Variants in DACH2 observed in about 807,000 individuals in gnomAD.
DACH2 encodes dachshund family transcription factor 2.
A neutral mutation model predicts 35.8 loss-of-function variants in DACH2; 17 were observed. The observed-to-expected ratio is 0.48, with a 90% CI of 0.33 to 0.71. The LOEUF (loss-of-function observed/expected upper bound fraction) is 0.71, where lower values mean the gene tolerates loss of function less well. DACH2 is among the 30% of genes least tolerant of loss of function. The pLI is 0.02. For synonymous variants in DACH2, 195 were observed against 177.3 expected (o/e 1.10, Z -0.79); for missense variants, 469 against 472.7 (o/e 0.99, Z 0.07).
At chrX:86,415,828 T>C (rs746288564) in intron 2 of DACH2, among the ~76,000 whole-genome samples, 2 of 112,158 alleles carry the variant, frequency 1.8e-5, no homozygotes, top group African/African-American at 6.5e-5. Context: ...TAATTGTTAG[T>C]TAGATGTCTG....
intron 1 of DACH2, among the ~76,000 whole-genome samples, chrX:86,329,063 C>T (rs1056466976): frequency 6.3e-5 from 7 of 110,835 alleles, no homozygotes; most frequent in Admixed American, 2.9e-4. Flanking sequence ...TGTGTATGTG[C>T]GGATGGGGAG....
intron 2 of DACH2, among the ~76,000 whole-genome samples, chrX:86,407,918 G>T (rs2148139981): frequency 9.0e-6 from 1 of 111,658 alleles, no homozygotes; most frequent in South Asian, 3.7e-4. Flanking sequence ...TGTGAAGAGG[G>T]CAATAATAGA....
intron 6 of DACH2, among the ~76,000 whole-genome samples, chrX:86,736,884 C>T: frequency 9.0e-6 from 1 of 111,229 alleles, no homozygotes; most frequent in South Asian, 3.7e-4. Context: ...TTGAATTACA[C>T]ATATTTAAAG....
In DACH2 at chrX:86,549,220, T is replaced by A. The variant is rs776211388; in HGVS notation, c.640+34829T>A. Among the ~76,000 whole-genome samples the A allele has an allele frequency of 2.7e-5, 3 of 112,148 alleles. No homozygotes were observed. The South Asian group carries it at 1.1e-3, about 41-fold the overall frequency. ...CTCATGTTCTACATATTTTGTTTGA[T>A]AAGACATTTGTGTATTTTGAGATAC... On this transcript the variant is annotated intron_variant, in intron 3 of 11. Transcript: ENST00000373125.
At chrX:86,705,108 AGC>A (rs1267462775) in intron 5 of DACH2, among the ~76,000 whole-genome samples, 7 of 100,491 alleles carry the variant, frequency 7.0e-5, no homozygotes, top group African/African-American at 3.1e-4. Flanking sequence ...AATACTACTC[AGC>A]CATATAAAGG....
chrX:86,671,938 T>A (rs2040769904), intron 4 of DACH2, among the ~76,000 whole-genome samples: 1 of 111,491 alleles, frequency 9.0e-6, no homozygotes, highest in Non-Finnish European at 1.9e-5. Context: ...GATTGTAATA[T>A]GAACAGAGAT....
intron 7 of DACH2, among the ~76,000 whole-genome samples, chrX:86,765,180 G>C (rs995265221): frequency 9.0e-6 from 1 of 111,217 alleles, no homozygotes; most frequent in Non-Finnish European, 1.9e-5. Flanking sequence ...TAGGTTGTCT[G>C]TTTACTCCAT....
At chrX:86,790,266 T>C (rs1258572354) in intron 7 of DACH2, among the ~76,000 whole-genome samples, 1 of 112,037 alleles carries the variant, frequency 8.9e-6, no homozygotes, top group African/African-American at 3.2e-5. Context: ...TAAGGGTCAA[T>C]ATAGTCGTAT....
At chrX:86,573,250 G>T (rs186935730) in intron 3 of DACH2, among the ~76,000 whole-genome samples, 7 of 110,882 alleles carry the variant, frequency 6.3e-5, no homozygotes, top group African/African-American at 1.6e-4. Flanking sequence ...GAGAGGCAAA[G>T]AACTTTTCAG....
chrX:86,155,833 A>G (rs1007094826), intron 1 of DACH2, among the ~76,000 whole-genome samples: 3 of 111,129 alleles, frequency 2.7e-5, no homozygotes, highest in African/African-American at 9.8e-5. Context: ...CCGTTAAATG[A>G]TACTATTTAG....
intron 1 of DACH2, among the ~76,000 whole-genome samples, chrX:86,216,916 G>C (rs1001903218): frequency 2.1e-4 from 23 of 110,155 alleles, no homozygotes; most frequent in African/African-American, 7.6e-4. Context: ...CCAACGTAGC[G>C]AAACCTGACT....
intron 1 of DACH2, among the ~76,000 whole-genome samples, chrX:86,330,660 G>A (rs1312632708): frequency 4.5e-5 from 5 of 111,631 alleles, no homozygotes; most frequent in African/African-American, 6.5e-5. Context: ...TAATTAAATG[G>A]TGTTAATTGA....
chrX:86,550,697 C>G (rs920571641), intron 3 of DACH2, among the ~76,000 whole-genome samples: 5 of 110,950 alleles, frequency 4.5e-5, no homozygotes, highest in African/African-American at 1.6e-4. Flanking sequence ...TTTCTCTTTA[C>G]CAGTTACAAA....
At chrX:86,488,234 A>G (rs1400881247) in intron 2 of DACH2, among the ~76,000 whole-genome samples, 3 of 111,637 alleles carry the variant, frequency 2.7e-5, no homozygotes, top group Non-Finnish European at 5.7e-5. Flanking sequence ...TATGGAAAGA[A>G]CCATGGATTG....
At chrX:86,578,482 A>G (rs781677114) in intron 3 of DACH2, among the ~76,000 whole-genome samples, 96 of 111,608 alleles carry the variant, frequency 8.6e-4, no homozygotes, top group Admixed American at 1.7e-3. Context: ...ATTCATATTT[A>G]TTTGGTTTTG....
chrX:86,486,328 C>T (rs1257974310), intron 2 of DACH2, among the ~76,000 whole-genome samples: 2 of 111,462 alleles, frequency 1.8e-5, no homozygotes, highest in East Asian at 5.6e-4. Flanking sequence ...TCTTCTATCA[C>T]AGTATTTTTT....
At chrX:86,459,523 G>C (rs2037531566) in intron 2 of DACH2, among the ~76,000 whole-genome samples, 1 of 111,487 alleles carries the variant, frequency 9.0e-6, no homozygotes, top group African/African-American at 3.3e-5. Flanking sequence ...TTCTAAGTTT[G>C]TATGACAAAC....
chrX:86,298,083 A>C (rs2034503497), intron 1 of DACH2, among the ~76,000 whole-genome samples: 1 of 112,061 alleles, frequency 8.9e-6, no homozygotes, highest in South Asian at 3.7e-4. Context: ...TATTCATTTC[A>C]TAATATGAGG....
At chrX:86,272,569 C>T in intron 1 of DACH2, among the ~76,000 whole-genome samples, 1 of 111,394 alleles carries the variant, frequency 9.0e-6, no homozygotes, top group Non-Finnish European at 1.9e-5. Flanking sequence ...GATTGGACAC[C>T]TGATGAAAGG....
Sources: gnomAD v4.1 joint callset for allele counts (sites outside exome capture counted in the v4.1 genomes callset) on GRCh38, gnomAD v4.1.1 for gene constraint, MANE v1.5 for transcripts, NCBI Gene and HGNC (gene_info 2026-07-23, HGNC 2026-07-21) for gene names.